The following RASA1 variants were observed in gnomAD, a reference collection of about 807,000 sequenced individuals.
RASA1 encodes ras GTPase-activating protein 1.
A neutral mutation model predicts 132.2 loss-of-function variants in RASA1; 25 were observed. That is an observed-to-expected ratio of 0.19 (90% CI 0.14 to 0.26). The LOEUF (loss-of-function observed/expected upper bound fraction) is 0.26, where lower values mean the gene tolerates loss of function less well. Among genes scored for constraint, RASA1 ranks in the 10% least tolerant of loss-of-function variants. The pLI is 1.00. For synonymous variants in RASA1, 477 were observed against 449.9 expected (o/e 1.06, Z -0.76); for missense variants, 964 against 1,299.2 (o/e 0.74, Z 3.97).
chr5:87,300,384 G>A (rs1320428213), intron 1 of RASA1, among the ~76,000 whole-genome samples: 2 of 152,196 alleles, frequency 1.3e-5, no homozygotes, highest in East Asian at 3.9e-4. Context: ...TGTCTCATAA[G>A]CTGGGCAGGG....
At chr5:87,338,534 A>ATATATATATATATATATATATATATATAT (rs1561292504) in intron 5 of RASA1, among the ~76,000 whole-genome samples, 1 of 46,094 alleles carries the variant, frequency 2.2e-5, no homozygotes, top group Non-Finnish European at 4.7e-5. Context: ...TATATATATA[A>ATATATATATATATATATATATATATATAT]AATTTTTTTT....
intron 7 of RASA1, among the ~76,000 whole-genome samples, chr5:87,348,221 T>A (rs1759001595): frequency 6.6e-6 from 1 of 152,080 alleles, no homozygotes; most frequent in African/African-American, 2.4e-5. Flanking sequence ...TAAGGAGATT[T>A]ATTTTTTTCT....
At chr5:87,290,140 T>G (rs1281795578) in intron 1 of RASA1, among the ~76,000 whole-genome samples, 1 of 152,204 alleles carries the variant, frequency 6.6e-6, no homozygotes, top group Non-Finnish European at 1.5e-5. Flanking sequence ...CCTTCTGCCT[T>G]GCATCTTTAC....
At position 87,389,424 on chromosome 5, in the gene RASA1, A is replaced by C; in HGVS notation, c.2957A>C (p.His986Pro). Residue 986 changes from histidine to proline, a missense_variant, in exon 24 of 25, where the codon CAT (histidine) becomes CCT (proline). By Grantham distance (77) the His-to-Pro change is moderately conservative (BLOSUM62 -2). Coordinates refer to ENST00000274376, the MANE Select transcript of RASA1 (RefSeq NM_002890.3). ...CCTGAACTTCCGGACACTACAGAGCATTCTAGAACGGACCTGTCCCGTGAT... is the reference window on the plus strand; with the variant it reads ...CCTGAACTTCCGGACACTACAGAGCCTTCTAGAACGGACCTGTCCCGTGAT... ...NVPELPDTTE[H>P]SRTDLSRDLA... The C allele has an allele frequency of 6.2e-7, 1 of 1,614,158 alleles. No individual in the cohort carries two copies. Among genetic ancestry groups the C allele is most frequent in the Non-Finnish European group, 8.5e-7 (1 of 1,179,974 alleles).
chr5:87,300,648 A>T (rs1019355209), intron 1 of RASA1, among the ~76,000 whole-genome samples: 1 of 152,236 alleles, frequency 6.6e-6, no homozygotes, highest in Non-Finnish European at 1.5e-5. Flanking sequence ...TTATAAGGTA[A>T]TATCTACAAT....
chr5:87,332,399 C>A, intron 2 of RASA1, 108 bp from the exon 3 acceptor site: 1 of 1,164,570 alleles, frequency 8.6e-7, no homozygotes, highest in Non-Finnish European at 1.2e-6. Context: ...GATATAGTTA[C>A]AAGGAAAAGA....
In RASA1 at chr5:87,346,678, C is replaced by T; in HGVS notation, c.1056C>T (p.Phe352=). 1 of 1,548,670 alleles carries T rather than the reference C, an allele frequency of 6.5e-7. No individual in the cohort carries two copies. The highest frequency in any genetic ancestry group is 8.9e-7 in the Non-Finnish European group (1 of 1,123,478). Residue 352 remains phenylalanine (F), a synonymous_variant, in exon 7 of 25, where the codon TTC becomes TTT. Transcript: ENST00000274376. The stretch of plus-strand genomic sequence containing the variant: ...AATTTATTCTCTTTTTAAGATGGTT[C>T]CATGGGAAGATTTCCAAACAGGAAG... ...EEDPHEGKIW[F]HGKISKQEAY...
chr5:87,275,317 G>A (rs1754016421), intron 1 of RASA1, among the ~76,000 whole-genome samples: 1 of 152,114 alleles, frequency 6.6e-6, no homozygotes, highest in South Asian at 2.1e-4. Flanking sequence ...TATTGTTTTG[G>A]TTATCTATTG....
chr5:87,309,515 A>G (rs1168466748), intron 1 of RASA1, among the ~76,000 whole-genome samples: 3 of 152,072 alleles, frequency 2.0e-5, no homozygotes, highest in Admixed American at 2.0e-4. Flanking sequence ...CTTTTAAGTA[A>G]CCACATAGTT....
chr5:87,268,385 G>A lies in RASA1; in HGVS notation c.-67G>A, dbSNP rs899734380. ...ACGCGTCTGGGTGGGGCTGCTCGGA[G>A]CCCGGGCCTGGTGGCCCCTGGGGCT... On this transcript the variant is annotated 5_prime_UTR_variant, in exon 1 of 25. Coordinates refer to ENST00000274376, the MANE Select transcript of RASA1 (RefSeq NM_002890.3). 1 of 1,461,492 alleles carries A rather than the reference G, an allele frequency of 6.8e-7. No individual in the cohort carries two copies. The highest frequency in any genetic ancestry group is 9.0e-7 in the Non-Finnish European group (1 of 1,104,996). The allele number at this position is 1,461,492 out of a possible 1,614,324, so 90.5% of individuals were successfully genotyped here. A position where few individuals can be genotyped will look rare whatever the true frequency, so the allele number is the denominator to read the frequency against.
rs996671392 is a variant in RASA1 at position 87,268,251 on chromosome 5, C to T, written c.-201C>T. 2.6e-6 allele frequency: 2 copies of T among 772,840 alleles called. No homozygotes were observed. Among genetic ancestry groups the T allele is most frequent in the Non-Finnish European group, 4.0e-6 (2 of 504,764 alleles). 47.9% of individuals were successfully genotyped at this position (772,840 alleles called of 1,614,324 possible). A position where few individuals can be genotyped will look rare whatever the true frequency, so the allele number is the denominator to read the frequency against. Reference sequence around the variant, plus strand: ...GTTGGGTTTTTTGCCCACTTGGCTTCCCGTAACCCAGGCAGCTGGGGAGCC... The same window carrying T: ...GTTGGGTTTTTTGCCCACTTGGCTTTCCGTAACCCAGGCAGCTGGGGAGCC... On this transcript the variant is annotated 5_prime_UTR_variant, in exon 1 of 25. Coordinates refer to ENST00000274376, the MANE Select transcript of RASA1 (RefSeq NM_002890.3).
chr5:87,339,605 G>A (rs1422422738), intron 5 of RASA1, among the ~76,000 whole-genome samples: 1 of 151,970 alleles, frequency 6.6e-6, no homozygotes, highest in African/African-American at 2.4e-5. Context: ...AAAGAAAAGT[G>A]AAAATTACTC....
intron 23 of RASA1, among the ~76,000 whole-genome samples, chr5:87,388,832 C>G (rs1762251822): frequency 6.6e-6 from 1 of 152,114 alleles, no homozygotes; most frequent in Non-Finnish European, 1.5e-5. Context: ...TAAGTTTAGG[C>G]TGCATTTAAT....
At position 87,268,825 on chromosome 5, in the gene RASA1, C is replaced by T; in HGVS notation, c.374C>T (p.Ala125Val). Residue 125 changes from alanine to valine, a missense_variant, in exon 1 of 25, where the codon GCT (alanine) becomes GTT (valine). Physicochemically the swap from Ala to Val is moderately conservative, Grantham distance 64. This residue lies in a region of RASA1 where 326 missense variants were observed against 275.8 expected (regional missense o/e 1.18). Transcript: ENST00000274376. ...ALTKLPTSLL[A>V]ETLGPGGGFP... ...ACCAAACTGCCCACTTCGTTGCTTG[C>T]TGAGACTCTCGGGCCAGGCGGCGGT... 6.2e-7 allele frequency: 1 copy of T among 1,614,112 alleles called. No homozygotes were observed. Among genetic ancestry groups the T allele is most frequent in the Non-Finnish European group, 8.5e-7 (1 of 1,180,026 alleles).
Position 87,349,221 on chromosome 5 carries a change from A to G in RASA1, c.1110A>G (p.Gln370=). The change falls in exon 8 of 25, where the codon CAA becomes CAG. Residue 370 remains glutamine, a synonymous_variant. Transcript: ENST00000274376. ...ACAGCTTAATTCTTACAGTTGGTCA[A>G]GTCTGCAGTTTTCTTGTGAGGCCCT... ...EAYNLLMTVG[Q]VCSFLVRPSD... The G allele has an allele frequency of 1.2e-6, 2 of 1,611,850 alleles. No homozygotes were observed. The highest frequency in any genetic ancestry group is 1.7e-6 in the Non-Finnish European group (2 of 1,178,478).
intron 1 of RASA1, among the ~76,000 whole-genome samples, chr5:87,323,479 G>C (rs1756981822): frequency 6.6e-6 from 1 of 152,086 alleles, no homozygotes; most frequent in African/African-American, 2.4e-5. Flanking sequence ...CCAGATGAAA[G>C]GACAGATCTG....
At chr5:87,358,377 A>G (rs980913405) in intron 9 of RASA1, among the ~76,000 whole-genome samples, 10 of 152,212 alleles carry the variant, frequency 6.6e-5, no homozygotes, top group African/African-American at 2.4e-4. Flanking sequence ...TGACACTACA[A>G]TGATGCCTAT....
At chr5:87,330,046 C>T (rs1056910635) in intron 1 of RASA1, among the ~76,000 whole-genome samples, 1 of 152,052 alleles carries the variant, frequency 6.6e-6, no homozygotes, top group Non-Finnish European at 1.5e-5. Flanking sequence ...TCCCTTCTTC[C>T]TCTAGTACTA....
chr5:87,362,551 G>A lies in RASA1; in HGVS notation c.1333G>A (p.Asp445Asn), dbSNP rs2112456336. The change falls in exon 10 of 25, where the codon GAT (aspartate) becomes AAT (asparagine). Residue 445 changes from aspartate to asparagine, a missense_variant and splice_region_variant. Asp to Asn is a conservative substitution (Grantham distance 23). This residue lies in a region of RASA1 where 25 missense variants were observed against 18.8 expected (regional missense o/e 1.33). Coordinates refer to ENST00000274376, the MANE Select transcript of RASA1 (RefSeq NM_002890.3). Reference sequence around the variant, plus strand: ...AATTTTAATGTTTTTTAAAATTCAGGATCAAGAACAAGTACTCAATGACAC... The same window carrying A: ...AATTTTAATGTTTTTTAAAATTCAGAATCAAGAACAAGTACTCAATGACAC... Reference protein sequence around the residue: ...YYLKEPVPMQDQEQVLNDTVD... With the variant: ...YYLKEPVPMQNQEQVLNDTVD... The A allele has an allele frequency of 6.3e-7, 1 of 1,588,998 alleles. No homozygotes were observed. Among genetic ancestry groups the A allele is most frequent in the Non-Finnish European group, 8.6e-7 (1 of 1,158,008 alleles).
Sources: gnomAD v4.1 joint callset for allele counts (sites outside exome capture counted in the v4.1 genomes callset) on GRCh38, gnomAD v4.1.1 for gene constraint, gnomAD v4.1.1 regional missense constraint, MANE v1.5 for transcripts, NCBI Gene and HGNC (gene_info 2026-07-23, HGNC 2026-07-21) for gene names.